PDE4B: variants seen among roughly 807,000 people sequenced by gnomAD.
PDE4B encodes the protein phosphodiesterase 4B.
PDE4B carries 20 observed loss-of-function variants against 82.2 expected under a neutral mutation model. That is an observed-to-expected ratio of 0.24 (90% CI 0.17 to 0.35). The LOEUF (loss-of-function observed/expected upper bound fraction) is 0.35. PDE4B is among the 10% of genes least tolerant of loss of function. The pLI, the probability that PDE4B is intolerant of heterozygous loss-of-function variation, is 1.00. For missense variants in PDE4B, 655 were observed against 907.2 expected (o/e 0.72, Z 3.57); for synonymous variants, 320 against 318.9 (o/e 1.00, Z -0.04).
At chr1:65,963,858 AC>A (rs1649670658) in intron 3 of PDE4B, among the ~76,000 whole-genome samples, 1 of 152,164 alleles carries the variant, frequency 6.6e-6, no homozygotes, top group African/African-American at 2.4e-5. Context: ...CTGAGCTTGG[AC>A]TGTACAAATA....
At chr1:65,924,383 T>A (rs1156856344) in intron 3 of PDE4B, among the ~76,000 whole-genome samples, 4 of 152,106 alleles carry the variant, frequency 2.6e-5, no homozygotes, top group Non-Finnish European at 5.9e-5. Context: ...CGCTAATTTT[T>A]TTTTCAAACT....
intron 3 of PDE4B, among the ~76,000 whole-genome samples, chr1:66,053,954 G>GAT (rs1330027660): frequency 2.6e-5 from 4 of 152,128 alleles, no homozygotes; most frequent in Admixed American, 1.3e-4. Flanking sequence ...AGTTTCCCAG[G>GAT]ACACAGGATT....
chr1:65,983,988 A>G (rs1217414436), intron 3 of PDE4B, among the ~76,000 whole-genome samples: 1 of 152,216 alleles, frequency 6.6e-6, no homozygotes, highest in Non-Finnish European at 1.5e-5. Context: ...GGTATTTTCC[A>G]TAGAGGAATG....
intron 3 of PDE4B, among the ~76,000 whole-genome samples, chr1:66,162,968 A>C (rs1397318891): frequency 6.6e-6 from 1 of 152,228 alleles, no homozygotes; most frequent in Non-Finnish European, 1.5e-5. Context: ...TACTGTGGTC[A>C]TGGAAAGGCT....
intron 3 of PDE4B, among the ~76,000 whole-genome samples, chr1:66,154,588 G>C (rs1646465725): frequency 6.6e-6 from 1 of 152,116 alleles, no homozygotes; most frequent in Non-Finnish European, 1.5e-5. Flanking sequence ...GTTTTCTTTT[G>C]TTTTGCAATA....
At chr1:66,239,700 G>A (rs1652731677) in intron 3 of PDE4B, among the ~76,000 whole-genome samples, 1 of 152,094 alleles carries the variant, frequency 6.6e-6, no homozygotes, top group Non-Finnish European at 1.5e-5. Context: ...AACACAATGG[G>A]AAATTACCAA....
At chr1:65,999,424 T>G (rs1351381379) in intron 3 of PDE4B, among the ~76,000 whole-genome samples, 1 of 152,218 alleles carries the variant, frequency 6.6e-6, no homozygotes, top group Non-Finnish European at 1.5e-5. Flanking sequence ...CTTTCTGTTG[T>G]TCAGCAAACT....
At chr1:66,075,711 T>C (rs1386599545) in intron 3 of PDE4B, among the ~76,000 whole-genome samples, 1 of 152,062 alleles carries the variant, frequency 6.6e-6, no homozygotes, top group Non-Finnish European at 1.5e-5. Flanking sequence ...CAAGTTGGTC[T>C]CTGGCACCAT....
chr1:65,967,743 A>G (rs1649914982), intron 3 of PDE4B, among the ~76,000 whole-genome samples: 1 of 152,186 alleles, frequency 6.6e-6, no homozygotes, highest in Admixed American at 6.5e-5. Flanking sequence ...GCTGGAAACC[A>G]TCATTCTCAG....
chr1:66,192,165 G>T (rs1279676327), intron 3 of PDE4B, among the ~76,000 whole-genome samples: 2 of 152,064 alleles, frequency 1.3e-5, no homozygotes, highest in Admixed American at 6.5e-5. Flanking sequence ...CTAGGGCCTT[G>T]TGTCCAAAAC....
chr1:66,188,404 C>T (rs1421646560), intron 3 of PDE4B, among the ~76,000 whole-genome samples: 1 of 151,762 alleles, frequency 6.6e-6, no homozygotes, highest in African/African-American at 2.4e-5. Flanking sequence ...AACTTTCTGT[C>T]TCGTTGATCT....
chr1:66,228,053 G>T (rs1651598101), intron 3 of PDE4B, among the ~76,000 whole-genome samples: 2 of 152,066 alleles, frequency 1.3e-5, no homozygotes, highest in Non-Finnish European at 2.9e-5. Flanking sequence ...AGCCACACTG[G>T]CCTACTTGCT....
At chr1:66,166,812 C>A (rs1646742335) in intron 3 of PDE4B, among the ~76,000 whole-genome samples, 1 of 151,234 alleles carries the variant, frequency 6.6e-6, no homozygotes, top group African/African-American at 2.4e-5. Context: ...TGATAAGGGA[C>A]ATGTTTCTAG....
At chr1:65,810,685 A>G (rs947527025) in intron 1 of PDE4B, among the ~76,000 whole-genome samples, 6 of 152,214 alleles carry the variant, frequency 3.9e-5, no homozygotes, top group Non-Finnish European at 8.8e-5. Context: ...ACTTAGGTCT[A>G]TCTGACTCCA....
At chr1:66,281,737 G>A (rs1326357366) in intron 7 of PDE4B, among the ~76,000 whole-genome samples, 1 of 152,218 alleles carries the variant, frequency 6.6e-6, no homozygotes, top group Non-Finnish European at 1.5e-5. Flanking sequence ...TCAAACCCCT[G>A]CTAAGTATCA....
intron 8 of PDE4B, among the ~76,000 whole-genome samples, chr1:66,354,226 C>A (rs1406779319): frequency 6.6e-6 from 1 of 152,180 alleles, no homozygotes; most frequent in Non-Finnish European, 1.5e-5. Context: ...TCAAATGCAT[C>A]ATCACTTTGA....
At chr1:66,218,803 C>G (rs1397293684) in intron 3 of PDE4B, among the ~76,000 whole-genome samples, 2 of 152,086 alleles carry the variant, frequency 1.3e-5, no homozygotes, top group Non-Finnish European at 2.9e-5. Flanking sequence ...ATTACAAGGC[C>G]TAGCATTCGA....
intron 3 of PDE4B, among the ~76,000 whole-genome samples, chr1:65,919,889 A>G (rs978079261): frequency 6.6e-6 from 1 of 152,214 alleles, no homozygotes; most frequent in Non-Finnish European, 1.5e-5. Flanking sequence ...AACTCCAGGT[A>G]TCACAGTTAA....
intron 3 of PDE4B, among the ~76,000 whole-genome samples, chr1:66,102,700 G>A (rs779130500): frequency 6.6e-6 from 1 of 151,762 alleles, no homozygotes; most frequent in Non-Finnish European, 1.5e-5. Flanking sequence ...CAAATATAAG[G>A]GATCTGCAAG....
Sources: allele counts gnomAD v4.1 joint callset (sites outside exome capture counted in the v4.1 genomes callset), GRCh38; gene constraint gnomAD v4.1.1; transcripts MANE v1.5; gene names NCBI Gene and HGNC (gene_info 2026-07-23, HGNC 2026-07-21).